MAPKAP1: variants seen among roughly 807,000 people sequenced by gnomAD.
MAPKAP1 encodes target of rapamycin complex 2 subunit MAPKAP1.
A neutral mutation model predicts 65.7 loss-of-function variants in MAPKAP1; 20 were observed. The observed-to-expected ratio is 0.30, with a 90% CI of 0.21 to 0.44. MAPKAP1 has a LOEUF of 0.44. Ranked by LOEUF, MAPKAP1 falls within the 20% of genes least tolerant of loss-of-function variation. The pLI is 1.00. For missense variants in MAPKAP1, 423 were observed against 648.0 expected (o/e 0.65, Z 3.77); for synonymous variants, 222 against 244.3 (o/e 0.91, Z 0.85).
chr9:125,693,666 C>CATATACACGTATATATACACGTAT lies in MAPKAP1; in HGVS notation c.-70+13281_-70+13304dup, dbSNP rs1267105244. ...ACATATACACGTATACATACACACA[C>CATATACACGTATATATACACGTAT]ATATACACGTATATATACACGTATA... On this transcript the variant is annotated intron_variant, in intron 1 of 11. Transcript: ENST00000265960. 1.1e-3 allele frequency among the ~76,000 whole-genome samples: 144 copies of CATATACACGTATATATACACGTAT among 134,376 alleles called. 7 individuals carry two copies. The highest frequency in any genetic ancestry group is 4.3e-3 in the East Asian group (16 of 3,750). The allele number at this position is 134,376 out of a possible 152,430, so 88.2% of individuals were successfully genotyped here.
Position 125,625,724 on chromosome 9 carries a change from G to A in MAPKAP1, c.498+31927C>T, listed in dbSNP as rs1787003095. Among the ~76,000 whole-genome samples the A allele has an allele frequency of 2.0e-5, 3 of 152,184 alleles. No homozygotes were observed. The South Asian group carries it at 6.2e-4, about 32-fold the overall frequency. ...GCACAAGAATCACTTGAACCTGGGAGACAGAGGTTGCAGTGAGCCGAGATT... is the reference window on the plus strand; with the variant it reads ...GCACAAGAATCACTTGAACCTGGGAAACAGAGGTTGCAGTGAGCCGAGATT... On this transcript the variant is annotated intron_variant, in intron 4 of 11. Coordinates refer to ENST00000265960, the MANE Select transcript of MAPKAP1 (RefSeq NM_001006617.3).
chr9:125,439,179 C>T lies in MAPKAP1; in HGVS notation c.1444-167G>A, dbSNP rs1352238078. ...TCACAGCAACCTGGCAGCGGCTGGG[C>T]CCAGAGCCGCTGCTCTACGATGGGA... On this transcript the variant is annotated intron_variant, in intron 11 of 11. Transcript: ENST00000265960. This position sits in a 1 kb window ranked among gnomAD's most constrained non-coding sequence, Gnocchi z 4.0. Among the ~76,000 whole-genome samples the T allele has an allele frequency of 6.6e-6, 1 of 152,214 alleles. No homozygotes were observed. Among genetic ancestry groups the T allele is most frequent in the African/African-American group, 2.4e-5 (1 of 41,466 alleles).
At chr9:125,470,805 A>C (rs1292267419) in intron 9 of MAPKAP1, among the ~76,000 whole-genome samples, 1 of 152,234 alleles carries the variant, frequency 6.6e-6, no homozygotes, top group Non-Finnish European at 1.5e-5. Context: ...TGTGTTCCAA[A>C]AAAGTTGCAT....
At chr9:125,476,825 T>G (rs1275216115) in intron 9 of MAPKAP1, among the ~76,000 whole-genome samples, 1 of 152,136 alleles carries the variant, frequency 6.6e-6, no homozygotes, top group Non-Finnish European at 1.5e-5. Context: ...AAATGGCAAA[T>G]ATGCTGCCTG....
At chr9:125,511,367 GA>G (rs1197396932) in intron 7 of MAPKAP1, among the ~76,000 whole-genome samples, 1 of 152,116 alleles carries the variant, frequency 6.6e-6, no homozygotes, top group Admixed American at 6.5e-5. Flanking sequence ...ACCCACTTAA[GA>G]GAGGAGAAAC....
chr9:125,577,573 GCCCCC>G, intron 5 of MAPKAP1, among the ~76,000 whole-genome samples: 1 of 116,588 alleles, frequency 8.6e-6, no homozygotes, highest in African/African-American at 3.2e-5. Flanking sequence ...GGGGGGGTCA[GCCCCC>G]CGCCCTGCCA....
intron 4 of MAPKAP1, among the ~76,000 whole-genome samples, chr9:125,637,890 A>C (rs968008856): frequency 2.0e-5 from 3 of 152,186 alleles, no homozygotes; most frequent in African/African-American, 7.2e-5. Flanking sequence ...CTACTGCCTC[A>C]GCCTCCCAAG....
At chr9:125,553,740 A>T (rs1313180080) in intron 6 of MAPKAP1, among the ~76,000 whole-genome samples, 1 of 152,200 alleles carries the variant, frequency 6.6e-6, no homozygotes, top group Non-Finnish European at 1.5e-5. Flanking sequence ...GGCCCTTTGC[A>T]GAAAAAGTTT....
At chr9:125,626,720 C>G (rs774031637) in intron 4 of MAPKAP1, among the ~76,000 whole-genome samples, 2 of 152,158 alleles carry the variant, frequency 1.3e-5, no homozygotes, top group Non-Finnish European at 2.9e-5. Flanking sequence ...CACATCCTAA[C>G]CAGATTTACC....
At chr9:125,523,781 G>A (rs546802823) in intron 7 of MAPKAP1, among the ~76,000 whole-genome samples, 33 of 152,204 alleles carry the variant, frequency 2.2e-4, no homozygotes, top group African/African-American at 6.0e-4. Flanking sequence ...CTCTTGGTAC[G>A]GCCACCCCCA....
At chr9:125,651,953 CCAGGCTA>C (rs1833906116) in intron 4 of MAPKAP1, among the ~76,000 whole-genome samples, 1 of 152,134 alleles carries the variant, frequency 6.6e-6, no homozygotes, top group Non-Finnish European at 1.5e-5. Flanking sequence ...ACTAAAAAGC[CCAGGCTA>C]CATTTTTTTT....
At chr9:125,594,320 GC>G (rs1380769052) in intron 4 of MAPKAP1, among the ~76,000 whole-genome samples, 2 of 152,180 alleles carry the variant, frequency 1.3e-5, no homozygotes, top group Non-Finnish European at 2.9e-5. Flanking sequence ...GGCAGTTAAT[GC>G]CCTTTGCAAT....
At chr9:125,503,459 T>A (rs1035774008) in intron 8 of MAPKAP1, among the ~76,000 whole-genome samples, 2 of 152,206 alleles carry the variant, frequency 1.3e-5, no homozygotes, top group African/African-American at 4.8e-5. Context: ...TTCTTTTCTA[T>A]CTTGTGCTCT....
At chr9:125,676,078 T>C (rs992493924) in intron 1 of MAPKAP1, among the ~76,000 whole-genome samples, 3 of 152,158 alleles carry the variant, frequency 2.0e-5, no homozygotes, top group East Asian at 1.9e-4. Context: ...CTCTGATCAG[T>C]TGTGCACAGA....
At chr9:125,578,311 TC>T (rs1564567356) in intron 5 of MAPKAP1, among the ~76,000 whole-genome samples, 58 of 152,114 alleles carry the variant, frequency 3.8e-4, no homozygotes, top group African/African-American at 1.4e-3. Context: ...CGCAGGGTCC[TC>T]TGCCTAGGAA....
chr9:125,681,902 G>A (rs191763522), intron 1 of MAPKAP1, among the ~76,000 whole-genome samples: 1 of 152,214 alleles, frequency 6.6e-6, no homozygotes, highest in Admixed American at 6.5e-5. Context: ...TGGGACTGCA[G>A]GCAAGCACCA....
At chr9:125,499,752 C>T (rs567208763) in intron 8 of MAPKAP1, among the ~76,000 whole-genome samples, 20 of 152,048 alleles carry the variant, frequency 1.3e-4, no homozygotes, top group Non-Finnish European at 2.1e-4. Context: ...TGGTTCACTC[C>T]GGTAATCCCA....
At chr9:125,610,148 A>G (rs1476407074) in intron 4 of MAPKAP1, among the ~76,000 whole-genome samples, 1 of 152,226 alleles carries the variant, frequency 6.6e-6, no homozygotes, top group African/African-American at 2.4e-5. Flanking sequence ...CAACATTTGC[A>G]TGAAATAAAG....
At position 125,549,019 on chromosome 9, in the gene MAPKAP1, G is replaced by A. The variant is rs1005333068; in HGVS notation, c.849-5851C>T. ...TTGTTAATCCCTCCACAGCCGCAAA[G>A]GGAGTCTTAGGGACTCGGGGAAAGA... On this transcript the variant is annotated intron_variant, in intron 6 of 11. Transcript: ENST00000265960. Among the ~76,000 whole-genome samples the A allele has an allele frequency of 2.0e-5, 3 of 152,310 alleles. No individual in the cohort carries two copies. In the South Asian group the frequency reaches 6.2e-4, roughly 32 times the overall value.
Sources: gnomAD v4.1 joint callset for allele counts (sites outside exome capture counted in the v4.1 genomes callset) on GRCh38, gnomAD v4.1.1 for gene constraint, Gnocchi (gnomAD v3.1) non-coding constraint, MANE v1.5 for transcripts, NCBI Gene and HGNC (gene_info 2026-07-23, HGNC 2026-07-21) for gene names.